Variants in IGF2BP1 observed in about 807,000 individuals in gnomAD.
The protein encoded by IGF2BP1 is insulin like growth factor 2 mRNA binding protein 1, also known as insulin-like growth factor 2 mRNA-binding protein 1.
In IGF2BP1, 11 loss-of-function variants were observed where a neutral mutation model predicts 74.9. That is an observed-to-expected ratio of 0.15 (90% CI 0.09 to 0.24). IGF2BP1 has a LOEUF of 0.24. Ranked by LOEUF, IGF2BP1 falls within the 10% of genes least tolerant of loss-of-function variation. IGF2BP1 has a pLI of 1.00. For synonymous variants in IGF2BP1, 287 were observed against 281.8 expected (o/e 1.02, Z -0.18); for missense variants, 440 against 757.4 (o/e 0.58, Z 4.92).
rs2042217978 is a variant in IGF2BP1, at chr17:49,055,505, G to T, written c.*6061G>T. ...TTTGGGGATGCTTAAATCTTGACTGGCACTTCCCGGCTGTGGGGGCTGGGG... is the reference window on the plus strand; with the variant it reads ...TTTGGGGATGCTTAAATCTTGACTGTCACTTCCCGGCTGTGGGGGCTGGGG... On this transcript the variant is annotated 3_prime_UTR_variant, in exon 15 of 15. Transcript: ENST00000290341. 1 of 394,722 alleles carries T rather than the reference G, an allele frequency of 2.5e-6. No homozygotes were observed. Among genetic ancestry groups the T allele is most frequent in the Non-Finnish European group, 4.5e-6 (1 of 224,054 alleles). 24.5% of individuals were successfully genotyped at this position (394,722 alleles called of 1,614,324 possible).
At chr17:49,010,437 C>T (rs1307966965) in intron 2 of IGF2BP1, among the ~76,000 whole-genome samples, 2 of 151,712 alleles carry the variant, frequency 1.3e-5, no homozygotes, top group African/African-American at 4.8e-5. Context: ...CTGCCTCAGC[C>T]TCCCCGAGAA....
intron 2 of IGF2BP1, among the ~76,000 whole-genome samples, chr17:49,018,920 C>T (rs1226063436): frequency 1.3e-5 from 2 of 152,078 alleles, no homozygotes; most frequent in Non-Finnish European, 2.9e-5. Flanking sequence ...CTGGTTTAAT[C>T]CTACTTCTTT....
intron 2 of IGF2BP1, among the ~76,000 whole-genome samples, chr17:49,024,083 ATTTTTTTT>A (rs765273098): frequency 4.6e-4 from 36 of 78,100 alleles, no homozygotes; most frequent in Admixed American, 1.5e-3. Flanking sequence ...CACCCTGCTA[ATTTTTTTT>A]TTTTTTTTTT....
At chr17:49,006,557 T>C (rs2041553278) in intron 2 of IGF2BP1, among the ~76,000 whole-genome samples, 1 of 152,232 alleles carries the variant, frequency 6.6e-6, no homozygotes. Context: ...TTTGAAGCTT[T>C]ACAGTTGTAT....
At position 49,041,385 on chromosome 17, in the gene IGF2BP1, G is replaced by C. The variant is rs747039976; in HGVS notation, c.826G>C (p.Glu276Gln). 4 of 1,613,908 alleles carry C rather than the reference G, an allele frequency of 2.5e-6. No homozygotes were observed. Among genetic ancestry groups the C allele is most frequent in the African/African-American group, 1.3e-5 (1 of 74,898 alleles). The part of the protein sequence containing the change: ...KEAKDTKTAD[E>Q]VPLKILAHNN... ...TTCCTTTGTCTTCCCAAGGGCTGAC[G>C]AGGTTCCCCTGAAGATCCTGGCCCA... The change falls in exon 8 of 15, where the codon GAG (glutamate) becomes CAG (glutamine). Residue 276 changes from glutamate to glutamine, a missense_variant. By Grantham distance (29) the Glu-to-Gln change is conservative. Coordinates refer to ENST00000290341, the MANE Select transcript of IGF2BP1 (RefSeq NM_006546.4).
At chr17:49,008,886 A>G (rs2041582855) in intron 2 of IGF2BP1, among the ~76,000 whole-genome samples, 1 of 152,072 alleles carries the variant, frequency 6.6e-6, no homozygotes, top group Admixed American at 6.6e-5. Context: ...TCATGCATGC[A>G]GGCATGCATT....
chr17:49,031,451 T>C (rs2041920362), intron 4 of IGF2BP1, among the ~76,000 whole-genome samples: 1 of 152,118 alleles, frequency 6.6e-6, no homozygotes, highest in African/African-American at 2.4e-5. Context: ...GAAAAGTTTT[T>C]TGCCTTTTTA....
At chr17:49,015,620 A>T (rs1311279516) in intron 2 of IGF2BP1, among the ~76,000 whole-genome samples, 3 of 152,046 alleles carry the variant, frequency 2.0e-5, no homozygotes, top group African/African-American at 7.2e-5. Flanking sequence ...CCACTTCCTC[A>T]GTCTACCCCA....
chr17:49,001,600 A>G (rs976778388), intron 2 of IGF2BP1, among the ~76,000 whole-genome samples: 5 of 152,176 alleles, frequency 3.3e-5, no homozygotes, highest in African/African-American at 1.2e-4. Flanking sequence ...GCCGAACACT[A>G]TGCATTTCAA....
chr17:49,002,299 A>G (rs904663141), intron 2 of IGF2BP1, among the ~76,000 whole-genome samples: 1 of 152,166 alleles, frequency 6.6e-6, no homozygotes, highest in African/African-American at 2.4e-5. Context: ...CTGTGAAGGG[A>G]TGTCTTATAA....
At chr17:49,013,314 C>T (rs754518939) in intron 2 of IGF2BP1, among the ~76,000 whole-genome samples, 1 of 152,134 alleles carries the variant, frequency 6.6e-6, no homozygotes, top group Non-Finnish European at 1.5e-5. Flanking sequence ...GGGGACTAGC[C>T]CGGGAGGAGA....
chr17:49,011,528 C>G (rs924770650), intron 2 of IGF2BP1, among the ~76,000 whole-genome samples: 1 of 152,182 alleles, frequency 6.6e-6, no homozygotes, highest in African/African-American at 2.4e-5. Flanking sequence ...GCTGGCATTT[C>G]AAACCCAGGC....
intron 2 of IGF2BP1, among the ~76,000 whole-genome samples, chr17:49,011,152 A>AAAAAC (rs2041614125): frequency 1.3e-5 from 2 of 150,082 alleles, no homozygotes; most frequent in African/African-American, 4.9e-5. Flanking sequence ...AAAAAAAAAA[A>AAAAAC]AAAAAAAAAA....
chr17:49,008,130 C>T (rs1018290169), intron 2 of IGF2BP1, among the ~76,000 whole-genome samples: 3 of 151,290 alleles, frequency 2.0e-5, no homozygotes, highest in Non-Finnish European at 4.4e-5. Context: ...AGAGATTGTG[C>T]CATTGCAGTC....
chr17:49,011,996 C>T (rs935570899), intron 2 of IGF2BP1, among the ~76,000 whole-genome samples: 5 of 150,902 alleles, frequency 3.3e-5, no homozygotes, highest in Admixed American at 1.3e-4. Flanking sequence ...CATACAACCT[C>T]CGCCTCCTGG....
chr17:49,011,137 C>CAAAAAAAAAAAAAAAAA (rs61620827), intron 2 of IGF2BP1, among the ~76,000 whole-genome samples: 1 of 57,298 alleles, frequency 1.7e-5, no homozygotes, highest in Non-Finnish European at 3.2e-5. Context: ...GACTCTGTCT[C>CAAAAAAAAAAAAAAAAA]AAAAAAAAAA....
At position 49,015,005 on chromosome 17, in the gene IGF2BP1, G is replaced by T. The variant is rs1037529956; in HGVS notation, c.237-10613G>T. The T allele has an allele frequency of 2.1e-5, 20 of 934,888 alleles. No homozygotes were observed. The African/African-American group carries it at 3.4e-4, about 16-fold the overall frequency. The allele number at this position is 934,888 out of a possible 1,614,324, so 57.9% of individuals were successfully genotyped here. ...TGGGCACCAGCTCCATCCTCGGCCG[G>T]GCCTCTGAAACCCCGAGTGCCTGAG... On this transcript the variant is annotated intron_variant, in intron 2 of 14. Coordinates refer to ENST00000290341, the MANE Select transcript of IGF2BP1 (RefSeq NM_006546.4).
rs188521198 is a variant in IGF2BP1, at chr17:49,041,620, A to T, written c.941+120A>T. The T allele has an allele frequency of 1.3e-5, 17 of 1,335,042 alleles. No homozygotes were observed. In the East Asian group the frequency reaches 3.9e-4, roughly 31 times the overall value. 82.7% of individuals were successfully genotyped at this position (1,335,042 alleles called of 1,614,324 possible). On this transcript the variant is annotated intron_variant, in intron 8 of 14. Transcript: ENST00000290341. ...AAATGGGTGCTCCTTCTGCCTCTTG[A>T]AGAAAAACAGTCGAAGTGGTAAAGA...
intron 5 of IGF2BP1, among the ~76,000 whole-genome samples, chr17:49,034,263 G>T (rs1442219427): frequency 6.6e-6 from 1 of 151,750 alleles, no homozygotes; most frequent in Admixed American, 6.6e-5. Context: ...GACTACAGGT[G>T]TCTGCCACCA....
Sources: gnomAD v4.1 joint callset for allele counts (sites outside exome capture counted in the v4.1 genomes callset) on GRCh38, gnomAD v4.1.1 for gene constraint, MANE v1.5 for transcripts, NCBI Gene and HGNC (gene_info 2026-07-23, HGNC 2026-07-21) for gene names.